Variants in LUC7L3 observed in about 807,000 individuals in gnomAD.
LUC7L3 encodes the protein LUC7 like 3 pre-mRNA splicing factor.
A neutral mutation model predicts 66.8 loss-of-function variants in LUC7L3; 6 were observed. The observed-to-expected ratio is 0.09, with a 90% CI of 0.05 to 0.18. LUC7L3 has a LOEUF of 0.18. Ranked by LOEUF, LUC7L3 falls within the 10% of genes least tolerant of loss-of-function variation. The pLI, the probability that LUC7L3 is intolerant of heterozygous loss-of-function variation, is 1.00. For synonymous variants in LUC7L3, 160 were observed against 174.7 expected (o/e 0.92, Z 0.66); for missense variants, 341 against 531.1 (o/e 0.64, Z 3.52).
intron 1 of LUC7L3, among the ~76,000 whole-genome samples, chr17:50,727,841 C>G (rs979820060): frequency 6.6e-6 from 1 of 151,814 alleles, no homozygotes; most frequent in African/African-American, 2.4e-5. Context: ...CGTGGTGGCT[C>G]ACGCCAGTAA....
intron 1 of LUC7L3, among the ~76,000 whole-genome samples, chr17:50,720,326 G>T (rs1968662186): frequency 1.3e-5 from 2 of 152,182 alleles, no homozygotes; most frequent in African/African-American, 4.8e-5. Flanking sequence ...ACTTGTTAGG[G>T]TTTACCGTGA....
At chr17:50,742,074 T>TTGTGTG (rs142033434) in intron 5 of LUC7L3, among the ~76,000 whole-genome samples, 12,642 of 150,728 alleles carry the variant, frequency 0.084, 655 homozygotes, top group Middle Eastern at 0.15. Context: ...AGACCTCGTC[T>TTGTGTG]TGTGTGTGTG....
chr17:50,745,274 G>A lies in LUC7L3; in HGVS notation c.694-446G>A, dbSNP rs545493078. On this transcript the variant is annotated intron_variant, in intron 7 of 9. Transcript: ENST00000505658. ...CCCAAAGTGCTGAGCCACTGCGCTCGGCCAGCGTAAATTTCTTCTAAAGAT... is the reference window on the plus strand; with the variant it reads ...CCCAAAGTGCTGAGCCACTGCGCTCAGCCAGCGTAAATTTCTTCTAAAGAT... Among the ~76,000 whole-genome samples, 7 of 152,030 alleles carry A rather than the reference G, an allele frequency of 4.6e-5. No individual in the cohort carries two copies. In the South Asian group the frequency reaches 6.2e-4, roughly 14 times the overall value.
chr17:50,752,037 A>G lies in LUC7L3; in HGVS notation c.*1376A>G, dbSNP rs952860999. On this transcript the variant is annotated 3_prime_UTR_variant, in exon 10 of 10. Transcript: ENST00000505658. ...CACTTAGGCAAGCATACACAGGCAC[A>G]TGGCTTTAAGAACCACACTGATGCC... The G allele has an allele frequency of 1.2e-5, 14 of 1,124,558 alleles. No homozygotes were observed. In the African/African-American group the frequency reaches 2.2e-4, roughly 18 times the overall value. The allele number at this position is 1,124,558 out of a possible 1,614,324, so 69.7% of individuals were successfully genotyped here.
Position 50,752,278 on chromosome 17 carries a change from G to GGCCGGGCGCGGTGGCTC in LUC7L3, c.*1617_*1618insGCCGGGCGCGGTGGCTC. 3.3e-6 allele frequency: 4 copies of GGCCGGGCGCGGTGGCTC among 1,200,916 alleles called. No individual in the cohort carries two copies. The highest frequency in any genetic ancestry group is 4.4e-6 in the Non-Finnish European group (4 of 913,634). The allele number at this position is 1,200,916 out of a possible 1,614,324, so 74.4% of individuals were successfully genotyped here. A position where few individuals can be genotyped will look rare whatever the true frequency, so the allele number is the denominator to read the frequency against. On this transcript the variant is annotated 3_prime_UTR_variant, in exon 10 of 10. Coordinates refer to ENST00000505658, the MANE Select transcript of LUC7L3 (RefSeq NM_016424.5). Reference sequence around the variant, plus strand: ...TCGACATTTAAAAAATGAGGTGAAAGAAAGCTATAGTGGCATAGAAAAAGT... The same window carrying GGCCGGGCGCGGTGGCTC: ...TCGACATTTAAAAAATGAGGTGAAAGGCCGGGCGCGGTGGCTCAAAGCTATAGTGGCATAGAAAAAGT...
chr17:50,750,378 C>A, intron 9 of LUC7L3, 123 bp from the exon 10 acceptor site: 1 of 880,072 alleles, frequency 1.1e-6, no homozygotes, highest in Non-Finnish European at 1.8e-6. Context: ...TTCACCAAAC[C>A]GTTGCTTGCA....
chr17:50,746,200 C>A (rs1163299841), intron 8 of LUC7L3, among the ~76,000 whole-genome samples, 197 bp downstream of exon 8: 2 of 152,132 alleles, frequency 1.3e-5, no homozygotes, highest in Admixed American at 1.3e-4. Context: ...TCCCACCTGT[C>A]TAGGAAATTT....
At position 50,741,646 on chromosome 17, in the gene LUC7L3, G is replaced by A. The variant is rs566500072; in HGVS notation, c.352-11G>A. On this transcript the variant is annotated splice_polypyrimidine_tract_variant and intron_variant, in intron 4 of 9. Coordinates refer to ENST00000505658, the MANE Select transcript of LUC7L3 (RefSeq NM_016424.5). ...CAACTTGTTGGTAATACGTTTTATTGTCTTCAATAGGCCGCTGGCCCAACA... is the reference window on the plus strand; with the variant it reads ...CAACTTGTTGGTAATACGTTTTATTATCTTCAATAGGCCGCTGGCCCAACA... The A allele has an allele frequency of 1.9e-6, 3 of 1,601,960 alleles. No individual in the cohort carries two copies. In the South Asian group the frequency reaches 3.3e-5, roughly 18 times the overall value.
chr17:50,741,406 A>ATTCCAG, intron 4 of LUC7L3, 160 bp downstream of exon 4: 1 of 756,184 alleles, frequency 1.3e-6, no homozygotes, highest in Non-Finnish European at 2.0e-6. Context: ...TTTATTAGCA[A>ATTCCAG]ACATAACACT....
intron 5 of LUC7L3, 142 bp downstream of exon 5, chr17:50,741,873 C>A: frequency 3.3e-6 from 2 of 606,314 alleles, no homozygotes; most frequent in Non-Finnish European, 5.7e-6. Context: ...TTGCTTGAGC[C>A]GGAGAATTTG....
intron 1 of LUC7L3, among the ~76,000 whole-genome samples, chr17:50,734,087 G>A (rs1227458008): frequency 2.0e-5 from 3 of 152,180 alleles, no homozygotes; most frequent in Admixed American, 2.0e-4. Context: ...AAAAACATTA[G>A]CTTTAGATAG....
rs749505027 is a variant in LUC7L3, at chr17:50,746,018, C to A, written c.977+15C>A. On this transcript the variant is annotated intron_variant, in intron 8 of 9. Coordinates refer to ENST00000505658, the MANE Select transcript of LUC7L3 (RefSeq NM_016424.5). ...AGGCGGAGCAGGTATATATAAAACA[C>A]CCTAAGACTGTCCAGCTCATAATGG... 3.6e-5 allele frequency: 57 copies of A among 1,573,524 alleles called. No homozygotes were observed. Among genetic ancestry groups the A allele is most frequent in the Non-Finnish European group, 4.8e-5 (56 of 1,166,906 alleles).
Position 50,751,003 on chromosome 17 carries a change from T to C in LUC7L3, c.*342T>C. ...ATTTTGATGTCATTTCTTTTTTTTT[T>C]TTAATAAAAAGGTTGAACTGTTTTT... On this transcript the variant is annotated 3_prime_UTR_variant, in exon 10 of 10. Coordinates refer to ENST00000505658, the MANE Select transcript of LUC7L3 (RefSeq NM_016424.5). 2.8e-6 allele frequency: 4 copies of C among 1,452,220 alleles called. No homozygotes were observed. Among genetic ancestry groups the C allele is most frequent in the Non-Finnish European group, 3.6e-6 (4 of 1,111,010 alleles). 90.0% of individuals were successfully genotyped at this position (1,452,220 alleles called of 1,614,324 possible).
chr17:50,719,714 G>T lies in LUC7L3; in HGVS notation c.-19G>T, dbSNP rs1968608727. The T allele has an allele frequency of 3.1e-6, 5 of 1,600,272 alleles. No homozygotes were observed. The highest frequency in any genetic ancestry group is 4.3e-6 in the Non-Finnish European group (5 of 1,172,482). On this transcript the variant is annotated 5_prime_UTR_variant, in exon 1 of 10. Transcript: ENST00000505658. ...GCGGGTGCCTGGGCTGGTGGGAACA[G>T]CCGCCCGAAGGAAGCACCATGATTT...
At chr17:50,730,803 T>C (rs984408486) in intron 1 of LUC7L3, among the ~76,000 whole-genome samples, 33 of 151,674 alleles carry the variant, frequency 2.2e-4, no homozygotes, top group African/African-American at 8.0e-4. Flanking sequence ...AGCCAGGCAT[T>C]GTGGTATGCT....
chr17:50,744,934 C>T (rs1597934293), intron 7 of LUC7L3, 121 bp downstream of exon 7: 1 of 734,492 alleles, frequency 1.4e-6, no homozygotes, highest in African/African-American at 1.8e-5. Context: ...GCCTCAGCCT[C>T]CTGAGTAGCT....
intron 1 of LUC7L3, among the ~76,000 whole-genome samples, chr17:50,720,035 G>A (rs959341015): frequency 6.6e-6 from 1 of 152,262 alleles, no homozygotes; most frequent in Non-Finnish European, 1.5e-5. Flanking sequence ...CTAGTATCAA[G>A]GGGGTCCGGG....
intron 1 of LUC7L3, among the ~76,000 whole-genome samples, chr17:50,736,252 T>A (rs1378012495): frequency 6.6e-6 from 1 of 152,242 alleles, no homozygotes; most frequent in Non-Finnish European, 1.5e-5. Context: ...AAATTAAATT[T>A]GGGATAGAGC....
chr17:50,738,444 T>C (rs1345756479), intron 2 of LUC7L3, among the ~76,000 whole-genome samples: 1 of 152,098 alleles, frequency 6.6e-6, no homozygotes, highest in Non-Finnish European at 1.5e-5. Context: ...TTGGAGATAA[T>C]GGGGAAAGCA....
Sources: allele counts gnomAD v4.1 joint callset (sites outside exome capture counted in the v4.1 genomes callset), GRCh38; gene constraint gnomAD v4.1.1; transcripts MANE v1.5; gene names NCBI Gene and HGNC (gene_info 2026-07-23, HGNC 2026-07-21).